The following CDK6 variants were observed in gnomAD, a reference collection of about 807,000 sequenced individuals.
CDK6 encodes cyclin dependent kinase 6, also known as cyclin-dependent kinase 6.
In CDK6, 6 loss-of-function variants were observed where a neutral mutation model predicts 37.1. That is an observed-to-expected ratio of 0.16 (90% confidence interval 0.09 to 0.32). CDK6 has a LOEUF of 0.32. Ranked by LOEUF, CDK6 falls within the 10% of genes least tolerant of loss-of-function variation. CDK6 has a pLI of 1.00. For synonymous variants in CDK6, 160 were observed against 161.3 expected (o/e 0.99, Z 0.06); for missense variants, 224 against 418.9 (o/e 0.53, Z 4.06).
At chr7:92,681,078 G>A (rs1274819026) in intron 4 of CDK6, among the ~76,000 whole-genome samples, 1 of 152,180 alleles carries the variant, frequency 6.6e-6, no homozygotes, top group Non-Finnish European at 1.5e-5. Context: ...GATGGATAGA[G>A]GCAATCACCT....
intron 5 of CDK6, among the ~76,000 whole-genome samples, chr7:92,647,180 T>C (rs1373130430): frequency 1.3e-5 from 2 of 152,214 alleles, no homozygotes; most frequent in Non-Finnish European, 2.9e-5. Context: ...GTACTAGTTA[T>C]ACAGTGGTGA....
chr7:92,641,969 A>G (rs1796318066), intron 5 of CDK6, among the ~76,000 whole-genome samples: 1 of 152,214 alleles, frequency 6.6e-6, no homozygotes, highest in Admixed American at 6.5e-5. Context: ...AAAACTGCAT[A>G]GAAGAATGGT....
chr7:92,632,475 T>C (rs533468027), intron 5 of CDK6, among the ~76,000 whole-genome samples: 2 of 152,302 alleles, frequency 1.3e-5, no homozygotes, highest in South Asian at 4.1e-4. Context: ...AAAATTATAA[T>C]GTGCTCAACA....
chr7:92,833,709 G>A lies in CDK6; in HGVS notation c.-367-19C>T, dbSNP rs549131002. 3 of 434,656 alleles carry A rather than the reference G, an allele frequency of 6.9e-6. No individual in the cohort carries two copies. Among genetic ancestry groups the A allele is most frequent in the Middle Eastern group, 5.7e-4 (1 of 1,748 alleles). 26.9% of individuals were successfully genotyped at this position (434,656 alleles called of 1,614,324 possible). On this transcript the variant is annotated intron_variant, in intron 1 of 7. Coordinates refer to ENST00000424848, the MANE Select transcript of CDK6 (RefSeq NM_001145306.2). This position sits in a 1 kb window ranked among gnomAD's most constrained non-coding sequence, Gnocchi z 6.1. Reference sequence around the variant, plus strand: ...ATTGCACCTAAAGGAGGAGACGGGAGGATAAGAAGAAAGTGCAATCAGACA... The same window carrying A: ...ATTGCACCTAAAGGAGGAGACGGGAAGATAAGAAGAAAGTGCAATCAGACA...
At chr7:92,689,439 T>C (rs146005035) in intron 4 of CDK6, among the ~76,000 whole-genome samples, 1 of 152,336 alleles carries the variant, frequency 6.6e-6, no homozygotes, top group East Asian at 1.9e-4. Context: ...ATTTATTTTA[T>C]AGCTGCATAG....
At chr7:92,807,627 A>G (rs1050894776) in intron 2 of CDK6, among the ~76,000 whole-genome samples, 5 of 151,868 alleles carry the variant, frequency 3.3e-5, no homozygotes, top group Non-Finnish European at 7.4e-5. Context: ...TTCTCCACCT[A>G]AACTTCCTGC....
At chr7:92,631,208 G>A (rs772836102) in intron 5 of CDK6, among the ~76,000 whole-genome samples, 35 of 152,056 alleles carry the variant, frequency 2.3e-4, no homozygotes, top group Non-Finnish European at 4.0e-4. Context: ...GGTAACCAAC[G>A]AGCCCAGTTT....
chr7:92,807,376 T>C (rs1038283025), intron 2 of CDK6, among the ~76,000 whole-genome samples: 1 of 152,010 alleles, frequency 6.6e-6, no homozygotes, highest in African/African-American at 2.4e-5. Flanking sequence ...TATCTAGATA[T>C]CTAGATTATA....
intron 3 of CDK6, among the ~76,000 whole-genome samples, chr7:92,771,614 C>T (rs1175349796): frequency 6.6e-6 from 1 of 152,162 alleles, no homozygotes; most frequent in Non-Finnish European, 1.5e-5. Flanking sequence ...TATCTCTTCT[C>T]TTATACTCTA....
At chr7:92,630,945 C>G (rs1302430638) in intron 5 of CDK6, among the ~76,000 whole-genome samples, 1 of 152,158 alleles carries the variant, frequency 6.6e-6, no homozygotes, top group African/African-American at 2.4e-5. Flanking sequence ...TGATTATTAA[C>G]TGGGCTCAGG....
In CDK6 at chr7:92,834,561, A is replaced by C. The variant is rs892368863; in HGVS notation, c.-367-871T>G. 6.6e-6 allele frequency among the ~76,000 whole-genome samples: 1 copy of C among 151,496 alleles called. No homozygotes were observed. Among genetic ancestry groups the C allele is most frequent in the South Asian group, 2.1e-4 (1 of 4,778 alleles). Reference sequence around the variant, plus strand: ...GTGGGAGAAAGGGGTGTTCGCCACAATTTCGCTTGTCGTCTCCTTAAAGAA... The same window carrying C: ...GTGGGAGAAAGGGGTGTTCGCCACACTTTCGCTTGTCGTCTCCTTAAAGAA... On this transcript the variant is annotated intron_variant, in intron 1 of 7. Transcript: ENST00000424848. The surrounding 1 kb of genome is among the most constrained non-coding windows in gnomAD (Gnocchi z 4.6).
intron 4 of CDK6, among the ~76,000 whole-genome samples, chr7:92,690,924 T>C (rs1797586906): frequency 6.6e-6 from 1 of 152,192 alleles, no homozygotes; most frequent in South Asian, 2.1e-4. Context: ...ATGTAGATGG[T>C]GAGGACATCT....
intron 2 of CDK6, among the ~76,000 whole-genome samples, chr7:92,823,563 A>G (rs1482807527): frequency 1.3e-5 from 2 of 151,316 alleles, no homozygotes; most frequent in African/African-American, 4.8e-5. Context: ...AGTCCCTTCT[A>G]GCCCCAATCT....
At chr7:92,751,614 T>A (rs1179735665) in intron 3 of CDK6, among the ~76,000 whole-genome samples, 1 of 152,202 alleles carries the variant, frequency 6.6e-6, no homozygotes, top group Non-Finnish European at 1.5e-5. Flanking sequence ...TTAGGCTGTA[T>A]CTTTGTAAAG....
intron 2 of CDK6, among the ~76,000 whole-genome samples, chr7:92,795,681 TTTCTTCCAAGTCTAA>T (rs1800391274): frequency 6.6e-6 from 1 of 152,176 alleles, no homozygotes; most frequent in Non-Finnish European, 1.5e-5. Context: ...AGTCGTGCTA[TTTCTTCCAAGTCTAA>T]ATCTTCCAAG....
chr7:92,725,798 T>C lies in CDK6; in HGVS notation c.370-5A>G, dbSNP rs1666846409. On this transcript the variant is annotated splice_region_variant and splice_polypyrimidine_tract_variant and intron_variant, in intron 3 of 7. Coordinates refer to ENST00000424848, the MANE Select transcript of CDK6 (RefSeq NM_001145306.2). ...GAGAAGCTGAAACATCATATCCTAA[T>C]AAAATTAAAAAAAGAAAATCAGTAA... The C allele has an allele frequency of 1.2e-6, 2 of 1,600,996 alleles. No homozygotes were observed. Among genetic ancestry groups the C allele is most frequent in the African/African-American group, 2.7e-5 (2 of 74,052 alleles).
intron 5 of CDK6, among the ~76,000 whole-genome samples, chr7:92,659,615 C>T (rs1796790207): frequency 6.7e-6 from 1 of 149,136 alleles, no homozygotes; most frequent in African/African-American, 2.5e-5. Context: ...ATGACACACA[C>T]ACACACACAC....
intron 3 of CDK6, among the ~76,000 whole-genome samples, chr7:92,754,755 A>G (rs546018524): frequency 1.8e-4 from 27 of 152,214 alleles, no homozygotes; most frequent in South Asian, 1.0e-3. Flanking sequence ...ACTGGTTCTC[A>G]TTTCCCAAAG....
At chr7:92,779,860 T>A (rs971486898) in intron 2 of CDK6, among the ~76,000 whole-genome samples, 1 of 152,244 alleles carries the variant, frequency 6.6e-6, no homozygotes, top group African/African-American at 2.4e-5. Context: ...ATCTTAGAAA[T>A]GCTAGACTAT....
Sources: gnomAD v4.1 joint callset for allele counts (sites outside exome capture counted in the v4.1 genomes callset) on GRCh38, gnomAD v4.1.1 for gene constraint, Gnocchi (gnomAD v3.1) non-coding constraint, MANE v1.5 for transcripts, NCBI Gene and HGNC (gene_info 2026-07-23, HGNC 2026-07-21) for gene names.